The following COMMD10 variants were observed in gnomAD, a reference collection of about 807,000 sequenced individuals.
COMMD10 encodes COMM domain containing 10.
Under a neutral mutation model 28.9 loss-of-function variants are expected in COMMD10, and 33 were observed. The observed-to-expected ratio is 1.14, with a 90% CI of 0.87 to 1.53. COMMD10 has a LOEUF of 1.53. COMMD10 is among the 40% of genes most tolerant of loss of function. The pLI, the probability that COMMD10 is intolerant of heterozygous loss-of-function variation, is 0.00. For missense variants in COMMD10, 310 were observed against 233.4 expected, an observed-to-expected ratio of 1.33 and a Z score of -2.14; for synonymous variants, 110 against 81.7, an observed-to-expected ratio of 1.35 and a Z score of -1.87.
At chr5:116,246,175 T>G (rs780563771) in intron 5 of COMMD10, among the ~76,000 whole-genome samples, 21 of 152,100 alleles carry the variant, frequency 1.4e-4, no homozygotes, top group Admixed American at 2.6e-4. Context: ...TCGCTAGGAT[T>G]CCTATACATC....
At chr5:116,223,355 G>A (rs1580561596) in intron 5 of COMMD10, among the ~76,000 whole-genome samples, 1 of 125,582 alleles carries the variant, frequency 8.0e-6, no homozygotes, top group Non-Finnish European at 1.6e-5. Context: ...TGTAATATGT[G>A]GAACAAAAAA....
At chr5:116,216,947 A>G (rs995163496) in intron 5 of COMMD10, among the ~76,000 whole-genome samples, 1 of 152,126 alleles carries the variant, frequency 6.6e-6, no homozygotes, top group South Asian at 2.1e-4. Flanking sequence ...TTTAGTCCAA[A>G]AAAAGATGAA....
intron 4 of COMMD10, among the ~76,000 whole-genome samples, chr5:116,122,565 C>G (rs1017123623): frequency 1.4e-4 from 22 of 152,152 alleles, no homozygotes; most frequent in African/African-American, 5.3e-4. Flanking sequence ...TATAAATTAC[C>G]TTGGGCAGTA....
At position 116,124,434 on chromosome 5, in the gene COMMD10, C is replaced by G. The variant is rs144483547; in HGVS notation, c.400-9634C>G. ...TTTGATTGCACTGTGGTCTGAGAGA[C>G]AGTTTGTTGTGATTTCTGTTCTTTT... On this transcript the variant is annotated intron_variant, in intron 4 of 6. Transcript: ENST00000274458. Among the ~76,000 whole-genome samples the G allele has an allele frequency of 7.6e-3, 1,160 of 152,180 alleles. 15 individuals are homozygous for G. Among genetic ancestry groups the G allele is most frequent in the African/African-American group, 0.026 (1,080 of 41,516 alleles).
chr5:116,166,162 G>A (rs868256492), intron 5 of COMMD10, among the ~76,000 whole-genome samples: 12 of 152,056 alleles, frequency 7.9e-5, no homozygotes, highest in Admixed American at 5.2e-4. Context: ...GTCAAATGGC[G>A]ATAGTTGTTC....
intron 5 of COMMD10, among the ~76,000 whole-genome samples, chr5:116,147,995 A>G (rs988842182): frequency 5.9e-5 from 9 of 151,946 alleles, no homozygotes; most frequent in African/African-American, 1.4e-4. Flanking sequence ...AAATGACTAC[A>G]TAGGATTCTG....
intron 4 of COMMD10, among the ~76,000 whole-genome samples, chr5:116,105,511 T>C (rs1750807952): frequency 2.0e-5 from 3 of 152,208 alleles, no homozygotes; most frequent in Non-Finnish European, 4.4e-5. Flanking sequence ...TTCTGTTGTT[T>C]GGAATAGTTT....
rs534468697 is a variant in COMMD10 at position 116,284,401 on chromosome 5, T to C, written c.511-7116T>C. Among the ~76,000 whole-genome samples, 63 of 151,922 alleles carry C rather than the reference T, an allele frequency of 4.1e-4. 2 individuals carry two copies. The South Asian group carries it at 0.013, about 31-fold the overall frequency. ...AGATATACTTTGGTTTAATTCAAGA[T>C]AGTTTTGGCTTATGGATGACAAGAT... On this transcript the variant is annotated intron_variant, in intron 5 of 6. Transcript: ENST00000274458.
At chr5:116,168,307 C>T (rs10073458) in intron 5 of COMMD10, among the ~76,000 whole-genome samples, 75,968 of 151,918 alleles carry the variant, frequency 0.5, 22,052 homozygotes, top group Non-Finnish European at 0.65. Context: ...TATATATGCA[C>T]GCAATACAGG....
intron 5 of COMMD10, among the ~76,000 whole-genome samples, chr5:116,244,645 G>A (rs1749893559): frequency 9.9e-6 from 1 of 101,516 alleles, no homozygotes; most frequent in Non-Finnish European, 1.9e-5. Context: ...TAACAAGTAA[G>A]GAAAAAAAAA....
chr5:116,152,658 A>T (rs1320495801), intron 5 of COMMD10, among the ~76,000 whole-genome samples: 1 of 151,970 alleles, frequency 6.6e-6, no homozygotes, highest in African/African-American at 2.4e-5. Context: ...TTTTAAAAAT[A>T]TGCTGCTAGT....
intron 5 of COMMD10, among the ~76,000 whole-genome samples, chr5:116,260,281 A>G (rs1440648654): frequency 3.3e-5 from 5 of 151,854 alleles, no homozygotes; most frequent in Non-Finnish European, 4.4e-5. Context: ...TAGAAAGGAC[A>G]TTTATTTAGC....
intron 5 of COMMD10, among the ~76,000 whole-genome samples, chr5:116,179,528 G>A: frequency 6.6e-6 from 1 of 152,074 alleles, no homozygotes; most frequent in East Asian, 1.9e-4. Context: ...GTAGGTGGTG[G>A]GGAGAAGAGC....
chr5:116,154,639 A>T (rs73253281), intron 5 of COMMD10, among the ~76,000 whole-genome samples: 2,505 of 152,276 alleles, frequency 0.016, 76 homozygotes, highest in African/African-American at 0.057. Context: ...TTTATATGGC[A>T]AGTTGGCCCA....
intron 5 of COMMD10, among the ~76,000 whole-genome samples, chr5:116,245,435 T>C (rs373682964): frequency 1.3e-5 from 2 of 152,162 alleles, no homozygotes; most frequent in African/African-American, 4.8e-5. Context: ...GCTGGTACCA[T>C]TTCTACTGAA....
intron 5 of COMMD10, among the ~76,000 whole-genome samples, chr5:116,262,235 C>G (rs1580593958): frequency 6.6e-6 from 1 of 151,610 alleles, no homozygotes; most frequent in Middle Eastern, 3.4e-3. Flanking sequence ...CTACACTTAC[C>G]TGGTTAGGTT....
intron 5 of COMMD10, among the ~76,000 whole-genome samples, chr5:116,248,530 A>G (rs1345803398): frequency 6.6e-6 from 1 of 151,954 alleles, no homozygotes; most frequent in African/African-American, 2.4e-5. Flanking sequence ...AGGTATCAAA[A>G]TAGCCTGTAC....
chr5:116,151,335 C>G (rs1470620282), intron 5 of COMMD10, among the ~76,000 whole-genome samples: 3 of 151,904 alleles, frequency 2.0e-5, no homozygotes, highest in Non-Finnish European at 4.4e-5. Flanking sequence ...TTGGTTGTGT[C>G]TCTGCCCAGC....
chr5:116,156,894 T>A (rs992597809), intron 5 of COMMD10, among the ~76,000 whole-genome samples: 1 of 152,182 alleles, frequency 6.6e-6, no homozygotes, highest in Non-Finnish European at 1.5e-5. Context: ...TTTTTCTAAA[T>A]TCTCCTTGTA....
Sources: allele counts gnomAD v4.1 joint callset (sites outside exome capture counted in the v4.1 genomes callset), GRCh38; gene constraint gnomAD v4.1.1; transcripts MANE v1.5; gene names NCBI Gene and HGNC (gene_info 2026-07-23, HGNC 2026-07-21).